Variants in DNAH7 observed in about 807,000 individuals in gnomAD.
DNAH7 encodes dynein axonemal heavy chain 7.
A neutral mutation model predicts 444.6 loss-of-function variants in DNAH7; 397 were observed. That is an observed-to-expected ratio of 0.89 (90% CI 0.82 to 0.97). The LOEUF is 0.97. Among genes scored for constraint, DNAH7 ranks in the 50% least tolerant of loss-of-function variants. The pLI, the probability that DNAH7 is intolerant of heterozygous loss-of-function variation, is 0.00. For missense variants in DNAH7, 4,902 were observed against 4,800.8 expected (o/e 1.02, Z -0.62); for synonymous variants, 1,636 against 1,624.4 (o/e 1.01, Z -0.17).
At chr2:196,034,946 C>T (rs1402527946) in intron 5 of DNAH7, among the ~76,000 whole-genome samples, 8 of 152,088 alleles carry the variant, frequency 5.3e-5, no homozygotes, top group African/African-American at 1.2e-4. Context: ...TTTGGGAGGC[C>T]GAGGCAAGTG....
At chr2:195,851,743 A>C (rs116667584) in intron 46 of DNAH7, among the ~76,000 whole-genome samples, 327 of 152,178 alleles carry the variant, frequency 2.1e-3, no homozygotes, top group African/African-American at 7.7e-3. Context: ...GTGCTAATAC[A>C]CTTTCTGCTG....
chr2:195,775,909 A>T lies in DNAH7; in HGVS notation c.11139T>A (p.Asn3713Lys), dbSNP rs760950646. The change falls in exon 60 of 65, where the codon AAT becomes AAA. Residue 3713 changes from asparagine to lysine, a missense_variant. Coordinates refer to ENST00000312428, the MANE Select transcript of DNAH7 (RefSeq NM_018897.3). ...CTGACTGATCCTTAGTGATATCTGC[A>T]TTGGCATTCATCCCAAAGATTTCTG... ...PAPEIFGMNA[N>K]ADITKDQSET... 6.2e-6 allele frequency: 10 copies of T among 1,614,050 alleles called. No individual in the cohort carries two copies. The highest frequency in any genetic ancestry group is 1.3e-5 in the African/African-American group (1 of 74,924).
intron 19 of DNAH7, among the ~76,000 whole-genome samples, chr2:195,949,268 G>A (rs1308261323): frequency 2.0e-5 from 3 of 151,988 alleles, no homozygotes; most frequent in Non-Finnish European, 1.5e-5. Context: ...CTTCCTTTTT[G>A]AATACCACTT....
At chr2:195,821,920 C>G (rs1697490812) in intron 49 of DNAH7, among the ~76,000 whole-genome samples, 1 of 152,124 alleles carries the variant, frequency 6.6e-6, no homozygotes, top group Admixed American at 6.5e-5. Flanking sequence ...AAGTGTAAAA[C>G]AGCTTCTTGC....
At chr2:195,942,016 T>C (rs57036945) in intron 19 of DNAH7, among the ~76,000 whole-genome samples, 9,356 of 152,142 alleles carry the variant, frequency 0.061, 382 homozygotes, top group African/African-American at 0.12. Flanking sequence ...TTCTCAGTGC[T>C]TGGGTGACAA....
chr2:195,985,927 C>T (rs763747783), intron 14 of DNAH7, among the ~76,000 whole-genome samples: 5 of 152,152 alleles, frequency 3.3e-5, no homozygotes, highest in Non-Finnish European at 7.4e-5. Context: ...TTTCACTTCT[C>T]TTCCCTCACG....
At chr2:195,918,392 T>C (rs943378538) in intron 24 of DNAH7, among the ~76,000 whole-genome samples, 1 of 152,244 alleles carries the variant, frequency 6.6e-6, no homozygotes, top group African/African-American at 2.4e-5. Flanking sequence ...AACATAGGCT[T>C]AGTGCATGAT....
At chr2:195,849,384 C>T (rs575705329) in intron 46 of DNAH7, among the ~76,000 whole-genome samples, 41 of 152,268 alleles carry the variant, frequency 2.7e-4, no homozygotes, top group African/African-American at 6.5e-4. Context: ...TGCCATGTAA[C>T]GTGGCATAGT....
chr2:195,817,724 A>C lies in DNAH7; in HGVS notation c.9397T>G (p.Leu3133Val). The C allele has an allele frequency of 6.2e-7, 1 of 1,611,050 alleles. No homozygotes were observed. Among genetic ancestry groups the C allele is most frequent in the Non-Finnish European group, 8.5e-7 (1 of 1,179,162 alleles). Residue 3133 changes from leucine to valine, a missense_variant, in exon 50 of 65, where the codon TTG becomes GTG. By Grantham distance (32) the Leu-to-Val change is conservative (BLOSUM62 1). Transcript: ENST00000312428. ...TTATTTTCAGCTCCTTGTAATATCA[A>C]GGCTTGCTTTTCTTCTTCAAGGTCT... ...RPDLEEEKQA[L>V]ILQGAENKRQ...
At position 195,812,038 on chromosome 2, in the gene DNAH7, T is replaced by C. The variant is rs547601479; in HGVS notation, c.9762-2167A>G. 1.6e-4 allele frequency among the ~76,000 whole-genome samples: 25 copies of C among 152,308 alleles called. 1 individual carries two copies. The highest frequency in any genetic ancestry group is 5.5e-4 in the African/African-American group (23 of 41,570). On this transcript the variant is annotated intron_variant, in intron 51 of 64. Coordinates refer to ENST00000312428, the MANE Select transcript of DNAH7 (RefSeq NM_018897.3). The stretch of plus-strand genomic sequence containing the variant: ...AACCTAAGATTGACCTTTTGGGCTA[T>C]CTTTTCAGGCTTTTGCATTTCTGAC...
rs1454857971 is a variant in DNAH7 at position 196,005,007 on chromosome 2, A to T, written c.990-3149T>A. Among the ~76,000 whole-genome samples, 16 of 148,998 alleles carry T rather than the reference A, an allele frequency of 1.1e-4. No individual in the cohort carries two copies. The Admixed American group carries it at 1.1e-3, about 10-fold the overall frequency. The stretch of plus-strand genomic sequence containing the variant: ...AAAAAAGGGCTGGGTGCAGTGGCTC[A>T]CGCCTGTAATCCCAGCACTTTGGGA... On this transcript the variant is annotated intron_variant, in intron 10 of 64. Transcript: ENST00000312428.
rs575964700 is a variant in DNAH7 at position 195,834,203 on chromosome 2, T to C, written c.9100+3A>G. 2.5e-6 allele frequency: 4 copies of C among 1,602,572 alleles called. No individual in the cohort carries two copies. The highest frequency in any genetic ancestry group is 1.7e-5 in the Admixed American group (1 of 59,786). On this transcript the variant is annotated splice_donor_region_variant and intron_variant, in intron 48 of 64. Transcript: ENST00000312428. Reference sequence around the variant, plus strand: ...AATGTATCTTAGTTATTCAACTACATACCAGGAGTACCAAACTGGATGCAA... The same window carrying C: ...AATGTATCTTAGTTATTCAACTACACACCAGGAGTACCAAACTGGATGCAA...
chr2:195,900,373 C>T lies in DNAH7; in HGVS notation c.4457G>A (p.Arg1486His), dbSNP rs377538515. ...PLSVKIVATY[R>H]LCSEQLSSQH... The stretch of plus-strand genomic sequence containing the variant: ...AGATGACAGCTGCTCTGAACACAAG[C>T]GATACGTAGCCACAATTTTTACAGA... Residue 1486 changes from arginine (R) to histidine (H), a missense_variant, in exon 28 of 65, where the codon CGC becomes CAC. Coordinates refer to ENST00000312428, the MANE Select transcript of DNAH7 (RefSeq NM_018897.3). The T allele has an allele frequency of 4.7e-5, 76 of 1,613,950 alleles. 1 individual carries two copies. The highest frequency in any genetic ancestry group is 4.3e-4 in the Admixed American group (26 of 60,002).
chr2:195,826,921 C>A (rs975687731), intron 48 of DNAH7, among the ~76,000 whole-genome samples: 36 of 152,148 alleles, frequency 2.4e-4, no homozygotes, highest in African/African-American at 8.7e-4. Flanking sequence ...TTTTATACCA[C>A]ATCCACATTC....
rs1011804348 is a variant in DNAH7 at position 195,959,521 on chromosome 2, A to G, written c.2891+739T>C. ...GACCAAACACAGAGAATGAGCCAAG[A>G]CCAATCAGAACATGCCCAAGTGTAC... On this transcript the variant is annotated intron_variant, in intron 18 of 64. Transcript: ENST00000312428. Among the ~76,000 whole-genome samples, 4 of 152,346 alleles carry G rather than the reference A, an allele frequency of 2.6e-5. No individual in the cohort carries two copies. The East Asian group carries it at 7.7e-4, about 29-fold the overall frequency.
intron 61 of DNAH7, among the ~76,000 whole-genome samples, chr2:195,764,675 A>G (rs947295448): frequency 7.2e-5 from 11 of 152,048 alleles, no homozygotes; most frequent in African/African-American, 2.4e-4. Flanking sequence ...GGACTTAACC[A>G]AAGAAGTAAA....
chr2:195,956,691 C>CT (rs907177462), intron 19 of DNAH7, among the ~76,000 whole-genome samples: 1 of 151,560 alleles, frequency 6.6e-6, no homozygotes, highest in East Asian at 1.9e-4. Context: ...AAAAAACGTA[C>CT]TTTTTTTTAG....
At chr2:195,879,413 T>C (rs1052002829) in intron 36 of DNAH7, among the ~76,000 whole-genome samples, 5 of 152,194 alleles carry the variant, frequency 3.3e-5, no homozygotes, top group African/African-American at 1.2e-4. Flanking sequence ...CAGACCATTA[T>C]CAGAATGTTG....
In DNAH7 at chr2:195,888,477, T is replaced by C. The variant is rs770395613; in HGVS notation, c.5230-43A>G. On this transcript the variant is annotated intron_variant, in intron 32 of 64. Coordinates refer to ENST00000312428, the MANE Select transcript of DNAH7 (RefSeq NM_018897.3). ...GTTACCATCAAGGTAATAATGCTTATAAAATAAATATGATTTGGCACCTCT... is the reference window on the plus strand; with the variant it reads ...GTTACCATCAAGGTAATAATGCTTACAAAATAAATATGATTTGGCACCTCT... The C allele has an allele frequency of 6.9e-5, 106 of 1,531,004 alleles. 1 individual carries two copies. The Middle Eastern group carries it at 1.4e-3, about 20-fold the overall frequency. The allele number at this position is 1,531,004 out of a possible 1,614,324, so 94.8% of individuals were successfully genotyped here. A position where few individuals can be genotyped will look rare whatever the true frequency, so the allele number is the denominator to read the frequency against.
Sources: allele counts gnomAD v4.1 joint callset (sites outside exome capture counted in the v4.1 genomes callset), GRCh38; gene constraint gnomAD v4.1.1; transcripts MANE v1.5; gene names NCBI Gene and HGNC (gene_info 2026-07-23, HGNC 2026-07-21).